Variants in SPMIP4 observed in about 807,000 individuals in gnomAD.
SPMIP4 encodes the protein sperm-associated microtubule inner protein 4.
At chr7:25,168,386 T>C in the SPMIP4 span, 1 of 1,613,312 alleles carries the variant, frequency 6.2e-7, no homozygotes, top group African/African-American at 1.3e-5. Flanking sequence ...GGGAGTGAAA[T>C]CGGTATTATC....
chr7:25,127,389 TTTGTC>T, the SPMIP4 span, among the ~76,000 whole-genome samples: 1 of 152,172 alleles, frequency 6.6e-6, no homozygotes, highest in Admixed American at 6.5e-5. Flanking sequence ...TCTTTTTTCT[TTTGTC>T]TCTTCTGAGT....
At chr7:25,134,437 C>T in the SPMIP4 span, among the ~76,000 whole-genome samples, 1 of 151,474 alleles carries the variant, frequency 6.6e-6, no homozygotes, top group Admixed American at 6.6e-5. Context: ...TTGGTATTTT[C>T]TGTCATCAAA....
the SPMIP4 span, among the ~76,000 whole-genome samples, chr7:25,153,994 C>T: frequency 6.6e-6 from 1 of 152,208 alleles, no homozygotes; most frequent in East Asian, 1.9e-4. Flanking sequence ...TAAGTAGGTT[C>T]TATTAATAAT....
chr7:25,136,139 T>G, the SPMIP4 span: 1 of 1,614,212 alleles, frequency 6.2e-7, no homozygotes, highest in African/African-American at 1.3e-5. This position sits in a 1 kb window ranked among gnomAD's most constrained non-coding sequence, Gnocchi z 5.7. Flanking sequence ...GTCTGAGGTT[T>G]GGTCACTCCA....
the SPMIP4 span, chr7:25,142,667 G>A: frequency 6.2e-7 from 1 of 1,613,042 alleles, no homozygotes; most frequent in African/African-American, 1.3e-5. Context: ...TACGAAGTGA[G>A]CCAGTGGGAC....
At chr7:25,133,500 A>C in the SPMIP4 span, among the ~76,000 whole-genome samples, 3 of 152,236 alleles carry the variant, frequency 2.0e-5, no homozygotes, top group African/African-American at 7.2e-5. Context: ...TTCAAGGCCA[A>C]AGTGGTCATA....
chr7:25,161,034 G>A, the SPMIP4 span, among the ~76,000 whole-genome samples: 27,811 of 151,770 alleles, frequency 0.18, 3,658 homozygotes, highest in African/African-American at 0.37. Context: ...GCTTTTGTTT[G>A]TTTGGTCTTG....
chr7:25,151,218 T>G, the SPMIP4 span, among the ~76,000 whole-genome samples: 1 of 129,478 alleles, frequency 7.7e-6, no homozygotes, highest in Non-Finnish European at 1.7e-5. Context: ...GAAAATAAAC[T>G]TTTAGATTTT....
chr7:25,128,231 G>C, the SPMIP4 span, among the ~76,000 whole-genome samples: 1 of 152,162 alleles, frequency 6.6e-6, no homozygotes, highest in Admixed American at 6.5e-5. This position sits in a 1 kb window ranked among gnomAD's most constrained non-coding sequence, Gnocchi z 4.5. Context: ...TTTCCTCAAG[G>C]CCTGCATTCA....
chr7:25,155,054 C>A, the SPMIP4 span: 1 of 1,613,966 alleles, frequency 6.2e-7, no homozygotes, highest in East Asian at 2.2e-5. Context: ...TGGTTGGCAC[C>A]GTGGGAGGAA....
chr7:25,172,152 G>A, the SPMIP4 span, among the ~76,000 whole-genome samples: 2 of 152,094 alleles, frequency 1.3e-5, no homozygotes, highest in East Asian at 3.9e-4. This position sits in a 1 kb window ranked among gnomAD's most constrained non-coding sequence, Gnocchi z 4.2. Flanking sequence ...ATCTCTCTTA[G>A]GGAAGAATTA....
the SPMIP4 span, chr7:25,136,684 C>T: frequency 1.4e-5 from 22 of 1,614,010 alleles, no homozygotes; most frequent in South Asian, 7.7e-5. This position sits in a 1 kb window ranked among gnomAD's most constrained non-coding sequence, Gnocchi z 5.7. Context: ...TGGACAGGAA[C>T]GTGGTCTTTG....
At chr7:25,131,600 C>A in the SPMIP4 span, among the ~76,000 whole-genome samples, 1 of 152,182 alleles carries the variant, frequency 6.6e-6, no homozygotes, top group East Asian at 1.9e-4. The surrounding 1 kb of genome is among the most constrained non-coding windows in gnomAD (Gnocchi z 4.2). Context: ...CCAGAGCTCC[C>A]AAGATGGTGG....
chr7:25,154,016 G>T, the SPMIP4 span, among the ~76,000 whole-genome samples: 6 of 152,322 alleles, frequency 3.9e-5, no homozygotes, highest in African/African-American at 1.4e-4. Flanking sequence ...TTCCCATTTT[G>T]CAGACTGCGA....
At chr7:25,127,700 AGTTT>A in the SPMIP4 span, among the ~76,000 whole-genome samples, 1,820 of 152,246 alleles carry the variant, frequency 0.012, 31 homozygotes, top group Middle Eastern at 0.051. Context: ...TGCCTTCATT[AGTTT>A]GTTTGGTGAG....
At chr7:25,130,680 C>A in the SPMIP4 span, among the ~76,000 whole-genome samples, 2 of 152,072 alleles carry the variant, frequency 1.3e-5, no homozygotes, top group Non-Finnish European at 2.9e-5. Context: ...ACCTTGTGAC[C>A]TTTCATTAGT....
chr7:25,170,481 A>G, the SPMIP4 span, among the ~76,000 whole-genome samples: 1 of 152,228 alleles, frequency 6.6e-6, no homozygotes, highest in East Asian at 1.9e-4. Flanking sequence ...CTGTGCAATT[A>G]CTTTTTACTT....
the SPMIP4 span, among the ~76,000 whole-genome samples, chr7:25,173,937 T>C: frequency 6.6e-6 from 1 of 152,178 alleles, no homozygotes; most frequent in Admixed American, 6.5e-5. The surrounding 1 kb of genome is among the most constrained non-coding windows in gnomAD (Gnocchi z 4.4). Context: ...TAAGGTATCA[T>C]GTCTCCCTCC....
At chr7:25,176,254 A>C in the SPMIP4 span, among the ~76,000 whole-genome samples, 1 of 152,228 alleles carries the variant, frequency 6.6e-6, no homozygotes, top group African/African-American at 2.4e-5. This position sits in a 1 kb window ranked among gnomAD's most constrained non-coding sequence, Gnocchi z 4.4. Flanking sequence ...AGCCTTTGAC[A>C]GTGCTTTTTG....
Sources: gnomAD v4.1 joint callset for allele counts (sites outside exome capture counted in the v4.1 genomes callset) on GRCh38, gnomAD v4.1.1 for gene constraint, Gnocchi (gnomAD v3.1) non-coding constraint, MANE v1.5 for transcripts, NCBI Gene and HGNC (gene_info 2026-07-23, HGNC 2026-07-21) for gene names.